The following ZNF444 variants were observed in gnomAD, a reference collection of about 807,000 sequenced individuals.
The protein encoded by ZNF444 is zinc finger protein 444, also known as endothelial zinc finger protein 2.
In ZNF444, 8 loss-of-function variants were observed where a neutral mutation model predicts 14.4. The observed-to-expected ratio is 0.56, with a 90% CI of 0.33 to 1.00. The LOEUF (loss-of-function observed/expected upper bound fraction) is 1.00, where lower values mean the gene tolerates loss of function less well. Ranked by LOEUF, ZNF444 falls within the 50% of genes least tolerant of loss-of-function variation. The pLI is 0.03. For missense variants in ZNF444, 510 were observed against 504.8 expected, an observed-to-expected ratio of 1.01 and a Z score of -0.10; for synonymous variants, 258 against 235.9, an observed-to-expected ratio of 1.09 and a Z score of -0.86.
chr19:56,158,448 G>T, intron 3 of ZNF444, 46 bp from the exon 4 acceptor site: 1 of 1,524,456 alleles, frequency 6.6e-7, no homozygotes. Flanking sequence ...GAGAAATAGA[G>T]GCCCTTGCTC....
chr19:56,135,952 C>G (rs529133769), intron 1 of ZNF444, among the ~76,000 whole-genome samples: 3 of 151,394 alleles, frequency 2.0e-5, no homozygotes, highest in Admixed American at 6.6e-5. Flanking sequence ...TGTGGTGGTG[C>G]GTGCCTGTAA....
chr19:56,159,152 C>T (rs1471307469), intron 4 of ZNF444, among the ~76,000 whole-genome samples: 2 of 151,734 alleles, frequency 1.3e-5, no homozygotes, highest in Non-Finnish European at 2.9e-5. Flanking sequence ...CCCACCCATC[C>T]ATCATCTGTA....
intron 1 of ZNF444, among the ~76,000 whole-genome samples, chr19:56,132,935 C>CTTTCTTTTTTTTTT (rs780382826): frequency 1.1e-5 from 1 of 94,262 alleles, no homozygotes; most frequent in Non-Finnish European, 1.9e-5. Flanking sequence ...TTCTTTCTTT[C>CTTTCTTTTTTTTTT]TTTTTTTTTT....
chr19:56,138,096 C>A (rs1448026054), upstream of ZNF444, among the ~76,000 whole-genome samples: 1 of 151,872 alleles, frequency 6.6e-6, no homozygotes, highest in Non-Finnish European at 1.5e-5. Flanking sequence ...TGCACTCCAG[C>A]CTGGGTGACG....
Position 56,159,605 on chromosome 19 carries a change from ACT to A in ZNF444, c.407-14_407-13del, listed in dbSNP as rs762348062. On this transcript the variant is annotated splice_polypyrimidine_tract_variant and intron_variant, in intron 4 of 4. Coordinates refer to ENST00000337080, the MANE Select transcript of ZNF444 (RefSeq NM_018337.4). Reference sequence around the variant, plus strand: ...CGCCCTCGTGCCGACCCAGATGCTGACTCTCTTTCTTTTCCCAGCAGGCACCG... The same window carrying A: ...CGCCCTCGTGCCGACCCAGATGCTGACTCTTTCTTTTCCCAGCAGGCACCG... The A allele has an allele frequency of 2.0e-5, 29 of 1,417,696 alleles. No individual in the cohort carries two copies. The highest frequency in any genetic ancestry group is 4.5e-5 in the African/African-American group (3 of 66,696). 87.8% of individuals were successfully genotyped at this position (1,417,696 alleles called of 1,614,324 possible). A position where few individuals can be genotyped will look rare whatever the true frequency, so the allele number is the denominator to read the frequency against.
intron 4 of ZNF444, 143 bp from the exon 5 acceptor site, chr19:56,159,481 G>A: frequency 1.5e-6 from 1 of 654,288 alleles, no homozygotes; most frequent in Non-Finnish European, 2.4e-6. Context: ...ACACAGGTAT[G>A]AATAAGAAGC....
chr19:56,146,747 A>T, intron 2 of ZNF444, 143 bp from the exon 3 acceptor site: 1 of 623,304 alleles, frequency 1.6e-6, no homozygotes, highest in Non-Finnish European at 2.3e-6. Context: ...GAGATCCGCC[A>T]CTGCACTCCA....
At chr19:56,151,734 T>C (rs1171058558) in intron 3 of ZNF444, 8 of 437,368 alleles carry the variant, frequency 1.8e-5, no homozygotes, top group Non-Finnish European at 3.6e-5. Context: ...GACGGTGGTG[T>C]ATAGACAGCT....
chr19:56,136,179 G>C (rs1415831717), intron 1 of ZNF444, among the ~76,000 whole-genome samples: 1 of 150,482 alleles, frequency 6.6e-6, no homozygotes. Context: ...CCAACTCTCT[G>C]AGTGTGTTAT....
rs114900084 is a variant in ZNF444 at position 56,158,243 on chromosome 19, C to T, written c.298-251C>T. ...TGGCCCAGGGTCTCCTGTGAGGTCA[C>T]AGTGCAGTGTTGGCCAGGCTGTCAT... is the stretch of plus-strand genomic sequence containing the variant. On this transcript the variant is annotated intron_variant, in intron 3 of 4. Coordinates refer to ENST00000337080, the MANE Select transcript of ZNF444 (RefSeq NM_018337.4). 2.9e-3 allele frequency: 1,109 copies of T among 377,816 alleles called. 12 individuals are homozygous for T. The highest frequency in any genetic ancestry group is 0.021 in the African/African-American group (1,021 of 47,526). 23.4% of individuals were successfully genotyped at this position (377,816 alleles called of 1,614,324 possible). A position where few individuals can be genotyped will look rare whatever the true frequency, so the allele number is the denominator to read the frequency against.
At chr19:56,153,787 C>T (rs969546467) in intron 3 of ZNF444, among the ~76,000 whole-genome samples, 2 of 152,130 alleles carry the variant, frequency 1.3e-5, no homozygotes, top group African/African-American at 4.8e-5. Flanking sequence ...AGGAAATGCC[C>T]CAGTCAGCCT....
In ZNF444 at chr19:56,160,053, C is replaced by T; in HGVS notation, c.836C>T (p.Ala279Val). ...RKTHSGARPFACWECGKGFGR... is the reference protein window; with the variant it reads ...RKTHSGARPFVCWECGKGFGR... ...ACGCACTCGGGAGCGCGGCCCTTTG[C>T]CTGCTGGGAGTGTGGCAAGGGCTTC... is the stretch of plus-strand genomic sequence containing the variant. Residue 279 changes from alanine to valine, a missense_variant, in exon 5 of 5, where the codon GCC becomes GTC. Transcript: ENST00000337080. The T allele has an allele frequency of 1.3e-6, 2 of 1,506,538 alleles. No homozygotes were observed. Among genetic ancestry groups the T allele is most frequent in the Non-Finnish European group, 8.8e-7 (1 of 1,132,906 alleles). 93.3% of individuals were successfully genotyped at this position (1,506,538 alleles called of 1,614,324 possible). A position where few individuals can be genotyped will look rare whatever the true frequency, so the allele number is the denominator to read the frequency against.
intron 3 of ZNF444, chr19:56,155,179 C>G (rs1349832757): frequency 6.6e-6 from 1 of 152,384 alleles, no homozygotes; most frequent in Admixed American, 6.5e-5. Context: ...AGATGACAAC[C>G]AGCCAAGGGA....
chr19:56,159,812 C>T lies in ZNF444; in HGVS notation c.595C>T (p.Gln199Ter). 1 of 1,582,052 alleles carries T rather than the reference C, an allele frequency of 6.3e-7. No individual in the cohort carries two copies. Among genetic ancestry groups the T allele is most frequent in the Non-Finnish European group, 8.5e-7 (1 of 1,169,668 alleles). ...LKPAHLLRHR[Q>*]SHSGEKPHAC... ...ACCAGCTCACCTGCTGCGCCACCGG[C>T]AGAGCCACTCGGGCGAGAAGCCGCA... Residue 199 changes from glutamine to a stop codon, truncating the protein, a stop_gained, in exon 5 of 5, where the codon CAG becomes TAG. Coordinates refer to ENST00000337080, the MANE Select transcript of ZNF444 (RefSeq NM_018337.4). LOFTEE classifies it low-confidence loss of function (END_TRUNC).
rs1401313384 is a variant in ZNF444, at chr19:56,144,500, G to T, written c.-196-1747G>T. Among the ~76,000 whole-genome samples, 1 of 152,096 alleles carries T rather than the reference G, an allele frequency of 6.6e-6. No individual in the cohort carries two copies. The highest frequency in any genetic ancestry group is 1.5e-5 in the Non-Finnish European group (1 of 68,016). On this transcript the variant is annotated intron_variant, in intron 1 of 4. Coordinates refer to ENST00000337080, the MANE Select transcript of ZNF444 (RefSeq NM_018337.4). The surrounding 1 kb of genome is among the most constrained non-coding windows in gnomAD (Gnocchi z 4.0). Reference sequence around the variant, plus strand: ...AGTGACAGGGATTTACAGTGAAAAAGTTTTTGTGATCACTGTGGAGTGATT... The same window carrying T: ...AGTGACAGGGATTTACAGTGAAAAATTTTTTGTGATCACTGTGGAGTGATT...
chr19:56,134,094 C>T (rs1332590959), intron 1 of ZNF444, among the ~76,000 whole-genome samples: 1 of 152,132 alleles, frequency 6.6e-6, no homozygotes, highest in African/African-American at 2.4e-5. Context: ...CCCCCTCACA[C>T]GCTCACTCAG....
intron 1 of ZNF444, among the ~76,000 whole-genome samples, chr19:56,136,081 CAAAAAAA>C (rs1199112916): frequency 8.4e-5 from 5 of 59,472 alleles, no homozygotes; most frequent in Non-Finnish European, 8.4e-5. Flanking sequence ...GATTCCGTCT[CAAAAAAA>C]AAAAAAAAAA....
Position 56,159,313 on chromosome 19 carries a change from G to A in ZNF444, c.407-311G>A, listed in dbSNP as rs188533776. On this transcript the variant is annotated intron_variant, in intron 4 of 4. Coordinates refer to ENST00000337080, the MANE Select transcript of ZNF444 (RefSeq NM_018337.4). ...TTCTTCATCTACCCATCCATCATCT[G>A]TACATTCATCCATCCATCATCGGTC... Among the ~76,000 whole-genome samples the A allele has an allele frequency of 2.1e-3, 313 of 149,732 alleles. 6 individuals are homozygous for A. The highest frequency in any genetic ancestry group is 6.2e-3 in the East Asian group (31 of 5,022).
upstream of ZNF444, among the ~76,000 whole-genome samples, chr19:56,137,832 C>T (rs930173371): frequency 2.0e-5 from 3 of 152,026 alleles, no homozygotes; most frequent in Non-Finnish European, 2.9e-5. Flanking sequence ...TAAATAAGAT[C>T]CCTCTGGGAC....
Sources: allele counts gnomAD v4.1 joint callset (sites outside exome capture counted in the v4.1 genomes callset), GRCh38; gene constraint gnomAD v4.1.1; non-coding constraint Gnocchi (gnomAD v3.1); transcripts MANE v1.5; gene names NCBI Gene and HGNC (gene_info 2026-07-23, HGNC 2026-07-21).